COPB2: variants seen among roughly 807,000 people sequenced by gnomAD.
COPB2 encodes coat protein complex I subunit beta 2, also known as coatomer subunit beta'.
A neutral mutation model predicts 120.8 loss-of-function variants in COPB2; 16 were observed. That is an observed-to-expected ratio of 0.13 (90% confidence interval 0.09 to 0.20). The LOEUF (loss-of-function observed/expected upper bound fraction) is 0.20, where lower values mean the gene tolerates loss of function less well. COPB2 is among the 10% of genes least tolerant of loss of function. The pLI, the probability that COPB2 is intolerant of heterozygous loss-of-function variation, is 1.00. For missense variants in COPB2, 794 were observed against 1,076.5 expected (o/e 0.74, Z 3.67); for synonymous variants, 332 against 366.3 (o/e 0.91, Z 1.07).
chr3:139,368,617 C>T (rs1455149280), intron 12 of COPB2, among the ~76,000 whole-genome samples: 1 of 152,036 alleles, frequency 6.6e-6, no homozygotes, highest in African/African-American at 2.4e-5. Flanking sequence ...ACCCACCCTC[C>T]CTAGAAGTCT....
chr3:139,365,759 G>T (rs903366141), intron 15 of COPB2, among the ~76,000 whole-genome samples: 3 of 152,088 alleles, frequency 2.0e-5, no homozygotes, highest in Non-Finnish European at 4.4e-5. Flanking sequence ...TTAAGCAAAG[G>T]GGGGAAAAAG....
intron 1 of COPB2, chr3:139,389,343 G>T: frequency 1.3e-6 from 1 of 746,608 alleles, no homozygotes; most frequent in Non-Finnish European, 1.8e-6. Flanking sequence ...TCACTAGCAG[G>T]CTTTGCCTCC....
At chr3:139,372,885 T>G (rs1346851201) in intron 9 of COPB2, among the ~76,000 whole-genome samples, 1 of 152,190 alleles carries the variant, frequency 6.6e-6, no homozygotes, top group African/African-American at 2.4e-5. Flanking sequence ...GGGCACCTAC[T>G]AAGTCTCAGC....
At chr3:139,365,510 A>G (rs1296171797) in intron 15 of COPB2, among the ~76,000 whole-genome samples, 1 of 152,216 alleles carries the variant, frequency 6.6e-6, no homozygotes. Context: ...GAAATTGCTG[A>G]AGGGCATGTT....
chr3:139,375,366 T>A, intron 6 of COPB2, 102 bp downstream of exon 6: 1 of 1,174,248 alleles, frequency 8.5e-7, no homozygotes, highest in Non-Finnish European at 1.2e-6. Flanking sequence ...CCTTAAGTTA[T>A]TATGCTGTGA....
chr3:139,360,108 C>A (rs1006437584), intron 17 of COPB2, among the ~76,000 whole-genome samples: 13 of 151,292 alleles, frequency 8.6e-5, no homozygotes, highest in African/African-American at 2.9e-4. Flanking sequence ...AGGGTCTATT[C>A]TTACAGGTAT....
chr3:139,373,601 A>G (rs1941662106), intron 8 of COPB2, 65 bp downstream of exon 8: 22 of 1,602,718 alleles, frequency 1.4e-5, no homozygotes, highest in Non-Finnish European at 1.7e-5. Context: ...GGAAGATGAC[A>G]GTACTAAAAT....
intron 7 of COPB2, among the ~76,000 whole-genome samples, 192 bp from the exon 8 acceptor site, chr3:139,374,000 G>A (rs141133219): frequency 0.014 from 2,203 of 152,094 alleles, 30 homozygotes; most frequent in Admixed American, 0.041. Context: ...TAACATATAA[G>A]AAACAAAAAC....
In COPB2 at chr3:139,378,144, C is replaced by A. The variant is rs756173261; in HGVS notation, c.401G>T (p.Cys134Phe). The A allele has an allele frequency of 7.6e-6, 12 of 1,583,458 alleles. No individual in the cohort carries two copies. The highest frequency in any genetic ancestry group is 1.0e-5 in the Non-Finnish European group (12 of 1,157,680). Residue 134 changes from cysteine (C) to phenylalanine (F), a missense_variant, in exon 5 of 22, where the codon TGC (cysteine) becomes TTC (phenylalanine). Coordinates refer to ENST00000333188, the MANE Select transcript of COPB2 (RefSeq NM_004766.3). ...KLWDWDKKWSCSQVFEGHTHY... is the reference protein window; with the variant it reads ...KLWDWDKKWSFSQVFEGHTHY... Reference sequence around the variant, plus strand: ...GGTGTGTCCTTCAAACACTTGTGAGCAAGACCATTTTTTATCCCAGTCCCA... The same window carrying A: ...GGTGTGTCCTTCAAACACTTGTGAGAAAGACCATTTTTTATCCCAGTCCCA...
chr3:139,373,767 T>C lies in COPB2; in HGVS notation c.793A>G (p.Ser265Gly). The C allele has an allele frequency of 6.2e-7, 1 of 1,614,116 alleles. No individual in the cohort carries two copies. Among genetic ancestry groups the C allele is most frequent in the Non-Finnish European group, 8.5e-7 (1 of 1,179,994 alleles). ...IWHSSTYRLE[S>G]TLNYGMERVW... ...CTCTCCATTCCATAATTCAGTGTGC[T>C]CTCAAGCCGGTAGGTGCTTGAATGC... The change falls in exon 8 of 22, where the codon AGC (serine) becomes GGC (glycine). Residue 265 changes from serine to glycine, a missense_variant. This residue lies in a region of COPB2 where 610 missense variants were observed against 866.7 expected (regional missense o/e 0.70). Transcript: ENST00000333188.
At chr3:139,369,619 T>A in intron 10 of COPB2, 75 bp from the exon 11 acceptor site, 1 of 913,086 alleles carries the variant, frequency 1.1e-6, no homozygotes, top group Non-Finnish European at 1.7e-6. Context: ...TGGAAATATC[T>A]TCAAATATTT....
rs1941357447 is a variant in COPB2 at position 139,359,073 on chromosome 3, T to C, written c.2409A>G (p.Glu803=). The change falls in exon 19 of 22, where the codon GAA becomes GAG. Residue 803 remains glutamate, a synonymous_variant. Transcript: ENST00000333188. The part of the protein sequence containing the change: ...EYENLFPGLK[E]AFVVEEWVKE... ...TCACCCATTCTTCAACAACAAAGGC[T>C]TCTTTTAATCCAGGGAACAGGTTTT... 1 of 1,614,030 alleles carries C rather than the reference T, an allele frequency of 6.2e-7. No individual in the cohort carries two copies. The highest frequency in any genetic ancestry group is 1.1e-5 in the South Asian group (1 of 91,082).
rs1245726656 is a variant in COPB2, at chr3:139,378,113, A to G, written c.432T>C (p.Tyr144=). Residue 144 remains tyrosine, a synonymous_variant, in exon 5 of 22, where the codon TAT becomes TAC. Coordinates refer to ENST00000333188, the MANE Select transcript of COPB2 (RefSeq NM_004766.3). ...TGGGGTTGATCACAATCTGCATAAC[A>G]TAATGGGTGTGTCCTTCAAACACTT... ...CSQVFEGHTH[Y]VMQIVINPKD... 1.3e-6 allele frequency: 2 copies of G among 1,595,022 alleles called. No homozygotes were observed. Among genetic ancestry groups the G allele is most frequent in the Non-Finnish European group, 8.6e-7 (1 of 1,165,954 alleles).
In COPB2 at chr3:139,357,817, T is replaced by C. The variant is rs1447795259; in HGVS notation, c.*46A>G. On this transcript the variant is annotated 3_prime_UTR_variant, in exon 22 of 22. Coordinates refer to ENST00000333188, the MANE Select transcript of COPB2 (RefSeq NM_004766.3). ...TGGTCAGGGTAGCAATCAATACCTA[T>C]ATATAATAATGATCTGTTTAGTCAG... is the stretch of plus-strand genomic sequence containing the variant. The C allele has an allele frequency of 9.7e-7, 1 of 1,035,920 alleles. No individual in the cohort carries two copies. The highest frequency in any genetic ancestry group is 1.4e-6 in the Non-Finnish European group (1 of 695,360). The allele number at this position is 1,035,920 out of a possible 1,614,324, so 64.2% of individuals were successfully genotyped here. A position where few individuals can be genotyped will look rare whatever the true frequency, so the allele number is the denominator to read the frequency against.
chr3:139,377,067 T>C (rs939050968), intron 5 of COPB2, among the ~76,000 whole-genome samples: 1 of 123,904 alleles, frequency 8.1e-6, no homozygotes, highest in Non-Finnish European at 2.1e-5. Context: ...TTTTAAATAT[T>C]ATGATAAAAA....
Position 139,357,861 on chromosome 3 carries a change from A to T in COPB2, c.*2T>A. On this transcript the variant is annotated 3_prime_UTR_variant, in exon 22 of 22. Coordinates refer to ENST00000333188, the MANE Select transcript of COPB2 (RefSeq NM_004766.3). Reference sequence around the variant, plus strand: ...TAGTCAGGTAAATGGAAAGCATTACAGTCAATCATCCAAAATATCTTCATC... The same window carrying T: ...TAGTCAGGTAAATGGAAAGCATTACTGTCAATCATCCAAAATATCTTCATC... The T allele has an allele frequency of 6.6e-7, 1 of 1,515,364 alleles. No homozygotes were observed. The highest frequency in any genetic ancestry group is 9.1e-7 in the Non-Finnish European group (1 of 1,097,208). The allele number at this position is 1,515,364 out of a possible 1,614,324, so 93.9% of individuals were successfully genotyped here. A position where few individuals can be genotyped will look rare whatever the true frequency, so the allele number is the denominator to read the frequency against.
chr3:139,371,655 G>C (rs535100576), intron 10 of COPB2, 68 bp downstream of exon 10: 1 of 1,313,128 alleles, frequency 7.6e-7, no homozygotes, highest in Non-Finnish European at 1.1e-6. Flanking sequence ...CAAGCCTTGA[G>C]AGTCTTCAAG....
At chr3:139,389,383 C>T (rs1942006012) in intron 1 of COPB2, 165 bp downstream of exon 1, 9 of 1,131,718 alleles carry the variant, frequency 8.0e-6, no homozygotes, top group Non-Finnish European at 1.0e-5. Context: ...TAGGCCCCAC[C>T]GCCTTCTCCC....
Position 139,383,332 on chromosome 3 carries a change from T to C in COPB2, c.107A>G (p.Asn36Ser), listed in dbSNP as rs1167716497. 4.3e-6 allele frequency: 7 copies of C among 1,613,948 alleles called. No homozygotes were observed. The highest frequency in any genetic ancestry group is 2.2e-5 in the East Asian group (1 of 44,842). Residue 36 changes from asparagine to serine, a missense_variant, in exon 2 of 22, where the codon AAT (asparagine) becomes AGT (serine). Asn to Ser is a conservative substitution (Grantham distance 46). This residue lies in a region of COPB2 where 610 missense variants were observed against 866.7 expected (regional missense o/e 0.70). Transcript: ENST00000333188. ...ATGATTCCAAACACACACACTGCCA[T>C]TGTAAAGACTTGCCAACATCCATGG... ...TEPWMLASLYNGSVCVWNHET... is the reference protein window; with the variant it reads ...TEPWMLASLYSGSVCVWNHET...
Sources: allele counts gnomAD v4.1 joint callset (sites outside exome capture counted in the v4.1 genomes callset), GRCh38; gene constraint gnomAD v4.1.1; regional missense constraint gnomAD v4.1.1; transcripts MANE v1.5; gene names NCBI Gene and HGNC (gene_info 2026-07-23, HGNC 2026-07-21).